The following THADA variants were observed in gnomAD, a reference collection of about 807,000 sequenced individuals.
The protein encoded by THADA is THADA armadillo repeat containing.
Under a neutral mutation model 219.8 loss-of-function variants are expected in THADA, and 213 were observed. The observed-to-expected ratio is 0.97, with a 90% CI of 0.87 to 1.09. The LOEUF is 1.09. Ranked by LOEUF, THADA falls within the 50% of genes least tolerant of loss-of-function variation. THADA has a pLI of 0.00. For missense variants in THADA, 2,956 were observed against 2,311.3 expected (o/e 1.28, Z -5.72); for synonymous variants, 1,018 against 828.9 (o/e 1.23, Z -3.92).
intron 29 of THADA, among the ~76,000 whole-genome samples, chr2:43,369,503 A>C (rs1670558363): frequency 6.6e-6 from 1 of 152,158 alleles, no homozygotes; most frequent in East Asian, 1.9e-4. Context: ...ACAATAACTT[A>C]TCTCTTATAT....
chr2:43,469,731 T>A (rs755028908), intron 26 of THADA, among the ~76,000 whole-genome samples: 52 of 152,170 alleles, frequency 3.4e-4, no homozygotes, highest in Non-Finnish European at 6.3e-4. Flanking sequence ...TCACTTTTTA[T>A]TATGTGGAAA....
At chr2:43,391,789 T>C (rs1035796874) in intron 29 of THADA, 1 of 152,212 alleles carries the variant, frequency 6.6e-6, no homozygotes, top group Non-Finnish European at 1.5e-5. Context: ...AATCAATAAA[T>C]ACCTTGGCAC....
intron 26 of THADA, among the ~76,000 whole-genome samples, chr2:43,457,658 T>G (rs1225650179): frequency 2.0e-5 from 3 of 152,186 alleles, no homozygotes; most frequent in Admixed American, 2.0e-4. Context: ...GTCAGAGGAT[T>G]TTATGACTAT....
intron 29 of THADA, among the ~76,000 whole-genome samples, chr2:43,347,115 G>A (rs1356354346): frequency 6.6e-6 from 1 of 152,164 alleles, no homozygotes; most frequent in Admixed American, 6.5e-5. Context: ...TTAGTGCTAA[G>A]AATCCAGCCT....
intron 36 of THADA, among the ~76,000 whole-genome samples, chr2:43,277,941 C>T (rs186946597): frequency 1.4e-4 from 21 of 146,986 alleles, no homozygotes; most frequent in Admixed American, 1.2e-3. Flanking sequence ...TAAAACAAGA[C>T]AATATTGTTC....
chr2:43,283,754 A>G (rs921715858), intron 35 of THADA, among the ~76,000 whole-genome samples: 6 of 152,262 alleles, frequency 3.9e-5, no homozygotes, highest in Non-Finnish European at 8.8e-5. Context: ...GCATGAACAA[A>G]GAGATTATCT....
At chr2:43,520,552 T>C (rs1692271957) in intron 22 of THADA, among the ~76,000 whole-genome samples, 1 of 152,010 alleles carries the variant, frequency 6.6e-6, no homozygotes, top group Non-Finnish European at 1.5e-5. Context: ...TAGCCAGGCA[T>C]GGTGGTGCAC....
At chr2:43,559,136 G>A (rs17413525) in intron 16 of THADA, among the ~76,000 whole-genome samples, 10,356 of 152,256 alleles carry the variant, frequency 0.068, 486 homozygotes, top group Middle Eastern at 0.13. Context: ...AAGGTGAGGA[G>A]TGGCAGACAG....
At chr2:43,585,833 C>T (rs564972304) in intron 7 of THADA, among the ~76,000 whole-genome samples, 2 of 152,080 alleles carry the variant, frequency 1.3e-5, no homozygotes, top group African/African-American at 4.8e-5. Flanking sequence ...AGTTCTTTCA[C>T]TTATTCTCAT....
chr2:43,433,063 T>A lies in THADA; in HGVS notation c.3837-2761A>T, dbSNP rs186963351. On this transcript the variant is annotated intron_variant, in intron 26 of 37. Coordinates refer to ENST00000405975, the MANE Select transcript of THADA (RefSeq NM_022065.5). ...ACCTACCTAAGAAAGATATCGTATA[T>A]CTTCCTCTAGAAGCTTTATGGTTTT... Among the ~76,000 whole-genome samples, 626 of 152,316 alleles carry A rather than the reference T, an allele frequency of 4.1e-3. 4 individuals are homozygous for A. Among genetic ancestry groups the A allele is most frequent in the African/African-American group, 0.014 (602 of 41,578 alleles).
chr2:43,374,747 T>C (rs1671185689), intron 29 of THADA, among the ~76,000 whole-genome samples: 1 of 152,108 alleles, frequency 6.6e-6, no homozygotes, highest in African/African-American at 2.4e-5. Context: ...ACATATTAGT[T>C]TAGTGTGATC....
At chr2:43,448,104 A>G (rs1459633378) in intron 26 of THADA, among the ~76,000 whole-genome samples, 1 of 152,258 alleles carries the variant, frequency 6.6e-6, no homozygotes, top group Non-Finnish European at 1.5e-5. Flanking sequence ...GCATCGAAAC[A>G]AAACAAAACC....
intron 30 of THADA, among the ~76,000 whole-genome samples, chr2:43,325,941 T>C (rs1048305569): frequency 2.0e-5 from 3 of 152,194 alleles, no homozygotes; most frequent in Non-Finnish European, 2.9e-5. Context: ...GGTTATGCTT[T>C]GTATCCAAAA....
intron 28 of THADA, among the ~76,000 whole-genome samples, chr2:43,408,903 A>G (rs944108568): frequency 5.3e-5 from 8 of 152,214 alleles, no homozygotes; most frequent in Admixed American, 1.3e-4. Context: ...GTTGGAGCCA[A>G]TCTTCTCTAG....
chr2:43,549,922 C>A (rs1194222175), intron 19 of THADA, among the ~76,000 whole-genome samples: 1 of 152,102 alleles, frequency 6.6e-6, no homozygotes, highest in African/African-American at 2.4e-5. Flanking sequence ...CAAAAACAAT[C>A]TTTTATAGGA....
chr2:43,591,788 A>T (rs954382681), intron 3 of THADA, among the ~76,000 whole-genome samples, 164 bp downstream of exon 3: 1 of 150,626 alleles, frequency 6.6e-6, no homozygotes, highest in Non-Finnish European at 1.5e-5. Context: ...TGCTGCTTTG[A>T]ATACAAGGAT....
At chr2:43,583,886 T>C (rs1212143848) in intron 7 of THADA, among the ~76,000 whole-genome samples, 1 of 151,164 alleles carries the variant, frequency 6.6e-6, no homozygotes, top group Admixed American at 6.6e-5. Context: ...CTACCAAAAA[T>C]ATAAAAAACA....
At chr2:43,431,335 C>T (rs1679243261) in intron 26 of THADA, among the ~76,000 whole-genome samples, 1 of 152,208 alleles carries the variant, frequency 6.6e-6, no homozygotes, top group South Asian at 2.1e-4. Context: ...AAATTTCCAT[C>T]ATCCCATAAA....
chr2:43,363,190 C>T (rs11693801), intron 29 of THADA, among the ~76,000 whole-genome samples: 114,095 of 152,212 alleles, frequency 0.75, 44,120 homozygotes, highest in African/African-American at 0.88. Flanking sequence ...ACATAGTCAT[C>T]TGCTGTCATT....
Sources: gnomAD v4.1 joint callset for allele counts (sites outside exome capture counted in the v4.1 genomes callset) on GRCh38, gnomAD v4.1.1 for gene constraint, MANE v1.5 for transcripts, NCBI Gene and HGNC (gene_info 2026-07-23, HGNC 2026-07-21) for gene names.